EWSR1: variants seen among roughly 807,000 people sequenced by gnomAD.
EWSR1 encodes EWS RNA binding protein 1.
Under a neutral mutation model 92.1 loss-of-function variants are expected in EWSR1, and 14 were observed. The ratio of observed to expected loss-of-function variants is 0.15; its 90% CI spans 0.10 to 0.24. The LOEUF (loss-of-function observed/expected upper bound fraction) is 0.24. Ranked by LOEUF, EWSR1 falls within the 10% of genes least tolerant of loss-of-function variation. The pLI, the probability that EWSR1 is intolerant of heterozygous loss-of-function variation, is 1.00. For missense variants in EWSR1, 637 were observed against 870.9 expected, an observed-to-expected ratio of 0.73 and a Z score of 3.38; for synonymous variants, 303 against 292.9, an observed-to-expected ratio of 1.03 and a Z score of -0.35.
rs1382649098 is a variant in EWSR1, at chr22:29,283,560, TTGTTG to T, written c.581+1004_581+1008del. On this transcript the variant is annotated intron_variant, in intron 6 of 16. Transcript: ENST00000397938. Reference sequence around the variant, plus strand: ...GTTGTTTTGAGATGGAGTTTCGCTCTTGTTGCCCAGGCTGGAGTGCAATGGCACAA... The same window carrying T: ...GTTGTTTTGAGATGGAGTTTCGCTCTCCCAGGCTGGAGTGCAATGGCACAA... Among the ~76,000 whole-genome samples, 140 of 151,052 alleles carry T rather than the reference TTGTTG, an allele frequency of 9.3e-4. 2 individuals are homozygous for T. The highest frequency in any genetic ancestry group is 2.9e-3 in the Admixed American group (44 of 15,258).
At chr22:29,298,399 G>A (rs747481122) in intron 13 of EWSR1, among the ~76,000 whole-genome samples, 15 of 152,046 alleles carry the variant, frequency 9.9e-5, no homozygotes, top group Non-Finnish European at 2.1e-4. Flanking sequence ...CCAGCTACTC[G>A]GGAGGCTGAG....
At chr22:29,290,478 G>A (rs1385377949) in intron 8 of EWSR1, 2 of 1,613,118 alleles carry the variant, frequency 1.2e-6, no homozygotes, top group South Asian at 1.1e-5. Context: ...GTACTCAGCC[G>A]GCAGCATAAT....
chr22:29,283,018 TC>T (rs1406522091), intron 6 of EWSR1, among the ~76,000 whole-genome samples: 7 of 152,194 alleles, frequency 4.6e-5, no homozygotes, highest in Non-Finnish European at 1.0e-4. Flanking sequence ...CATCTCGGCC[TC>T]CCACAGTGCT....
At chr22:29,299,955 T>C (rs1431518124) in intron 16 of EWSR1, 104 bp downstream of exon 16, 1 of 1,535,388 alleles carries the variant, frequency 6.5e-7, no homozygotes, top group Non-Finnish European at 8.8e-7. Context: ...AAGCTTGTGA[T>C]AGTGGTTGGG....
Position 29,278,145 on chromosome 22 carries a change from T to C in EWSR1, c.342T>C (p.Ala114=). 1.9e-6 allele frequency: 3 copies of C among 1,614,142 alleles called. No homozygotes were observed. The highest frequency in any genetic ancestry group is 2.5e-6 in the Non-Finnish European group (3 of 1,179,990). The change falls in exon 5 of 17, where the codon GCT becomes GCC. Residue 114 remains alanine, a synonymous_variant. Coordinates refer to ENST00000397938, the MANE Select transcript of EWSR1 (RefSeq NM_005243.4). ...TVTTTQASYA[A]QSAYGTQPAY... ...CCACCACCCAGGCCTCCTATGCAGC[T>C]CAGTCTGCATATGGCACTCAGCCTG...
At chr22:29,300,074 T>C (rs552437640) in intron 16 of EWSR1, 48 bp from the exon 17 acceptor site, 2 of 1,564,522 alleles carry the variant, frequency 1.3e-6, no homozygotes, top group South Asian at 1.1e-5. Context: ...CTGGAAGGGC[T>C]TCCTCACCCC....
chr22:29,285,313 G>C (rs2059943530), intron 6 of EWSR1, among the ~76,000 whole-genome samples: 1 of 142,026 alleles, frequency 7.0e-6, no homozygotes, highest in Non-Finnish European at 1.5e-5. Context: ...TAGTAGGTGG[G>C]GTTTCACTAT....
At chr22:29,271,836 C>T (rs1189004675) in intron 1 of EWSR1, among the ~76,000 whole-genome samples, 1 of 152,072 alleles carries the variant, frequency 6.6e-6, no homozygotes, top group African/African-American at 2.4e-5. Context: ...TGCATGCCTC[C>T]GTTTTATATG....
chr22:29,283,343 A>T (rs1012927394), intron 6 of EWSR1, among the ~76,000 whole-genome samples: 8 of 152,052 alleles, frequency 5.3e-5, no homozygotes, highest in Non-Finnish European at 8.8e-5. Context: ...TTTTATTTTT[A>T]TTATTATCGC....
intron 5 of EWSR1, 152 bp from the exon 6 acceptor site, chr22:29,282,238 G>A (rs1412183876): frequency 6.4e-6 from 4 of 627,974 alleles, no homozygotes; most frequent in Non-Finnish European, 1.0e-5. Flanking sequence ...GTTTACTTTA[G>A]GATTGTATTT....
intron 5 of EWSR1, among the ~76,000 whole-genome samples, chr22:29,278,824 C>A (rs1394810046): frequency 1.4e-5 from 2 of 141,298 alleles, no homozygotes; most frequent in African/African-American, 5.3e-5. Context: ...GACTCGGTCT[C>A]AAAAAAAAAA....
In EWSR1 at chr22:29,286,904, T is replaced by TC; in HGVS notation, c.582-18dup. On this transcript the variant is annotated intron_variant, in intron 6 of 16. Transcript: ENST00000397938. ...CTTTCTAAAAAAGCTTTTTTTTTTTTCTCTTCTCTCTCTTTCAGCTATTCC... is the reference window on the plus strand; with the variant it reads ...CTTTCTAAAAAAGCTTTTTTTTTTTTCCTCTTCTCTCTCTTTCAGCTATTCC... The TC allele has an allele frequency of 1.9e-6, 3 of 1,583,550 alleles. No individual in the cohort carries two copies. Among genetic ancestry groups the TC allele is most frequent in the Middle Eastern group, 1.7e-4 (1 of 5,904 alleles).
chr22:29,271,214 G>A (rs540645859), intron 1 of EWSR1, among the ~76,000 whole-genome samples: 2 of 152,122 alleles, frequency 1.3e-5, no homozygotes, highest in Admixed American at 6.5e-5. Context: ...AACAAGATAT[G>A]TGTTCTTGTG....
rs1222596234 is a variant in EWSR1, at chr22:29,268,986, C to T, written c.13+637C>T. ...CCTGGGCTTTAGACAGAATGTGCTT[C>T]CCTCCTCCAGGGCCCCCAGTTTGCC... On this transcript the variant is annotated intron_variant, in intron 1 of 16. Coordinates refer to ENST00000397938, the MANE Select transcript of EWSR1 (RefSeq NM_005243.4). Among the ~76,000 whole-genome samples, 6 of 152,290 alleles carry T rather than the reference C, an allele frequency of 3.9e-5. No homozygotes were observed. In the South Asian group the frequency reaches 6.2e-4, roughly 16 times the overall value.
intron 12 of EWSR1, among the ~76,000 whole-genome samples, chr22:29,297,150 C>T (rs1200679944): frequency 6.6e-6 from 1 of 152,046 alleles, no homozygotes; most frequent in Non-Finnish European, 1.5e-5. Context: ...GTGTTTTTTG[C>T]TTGTGTTGTT....
chr22:29,273,150 C>CT (rs2058818204), intron 3 of EWSR1, among the ~76,000 whole-genome samples: 1 of 152,162 alleles, frequency 6.6e-6, no homozygotes, highest in East Asian at 1.9e-4. Flanking sequence ...TTATGGATGT[C>CT]TAAGTTCAAA....
Position 29,298,003 on chromosome 22 carries a change from C to G in EWSR1, c.1417+54C>G, listed in dbSNP as rs1602579704. On this transcript the variant is annotated intron_variant, in intron 13 of 16. Transcript: ENST00000397938. ...TAAAAGGTTTTCAGTACACTTCATA[C>G]CCTTGAGAAACTTGATTATTAGAGT... 10 of 1,545,056 alleles carry G rather than the reference C, an allele frequency of 6.5e-6. No individual in the cohort carries two copies. In the South Asian group the frequency reaches 1.2e-4, roughly 18 times the overall value.
At chr22:29,285,670 G>A (rs958466793) in intron 6 of EWSR1, among the ~76,000 whole-genome samples, 2 of 151,090 alleles carry the variant, frequency 1.3e-5, no homozygotes, top group African/African-American at 2.5e-5. Flanking sequence ...TCGTTAACTC[G>A]AGATTATTGG....
chr22:29,270,659 A>G (rs958080167), intron 1 of EWSR1, among the ~76,000 whole-genome samples: 1 of 152,202 alleles, frequency 6.6e-6, no homozygotes, highest in African/African-American at 2.4e-5. Flanking sequence ...CTCTTGCGTA[A>G]AAGTCGTCTT....
Sources: allele counts gnomAD v4.1 joint callset (sites outside exome capture counted in the v4.1 genomes callset), GRCh38; gene constraint gnomAD v4.1.1; transcripts MANE v1.5; gene names NCBI Gene and HGNC (gene_info 2026-07-23, HGNC 2026-07-21).